Variants in CD248 observed in about 807,000 individuals in gnomAD.
CD248 encodes CD248 molecule, also known as endosialin.
In CD248, 7 loss-of-function variants were observed where a neutral mutation model predicts 8.0. The observed-to-expected ratio is 0.88, with a 90% CI of 0.50 to 1.64. The LOEUF is 1.64. Ranked by LOEUF, CD248 falls within the 40% of genes most tolerant of loss-of-function variation. The probability of loss-of-function intolerance (pLI) is 0.00; values close to 1 mark genes in which losing one functional copy is unlikely to be tolerated. For missense variants in CD248, 912 were observed against 1,027.2 expected (o/e 0.89, Z 1.53); for synonymous variants, 418 against 437.1 (o/e 0.96, Z 0.54).
rs371678378 is a variant in CD248 at position 66,315,408 on chromosome 11, G to A, written c.1620C>T (p.Gly540=). The change falls in exon 1 of 1, where the codon GGC becomes GGT. Residue 540 remains glycine, a synonymous_variant. Coordinates refer to ENST00000311330, the MANE Select transcript of CD248 (RefSeq NM_020404.3). This position sits in a 1 kb window ranked among gnomAD's most constrained non-coding sequence, Gnocchi z 4.3. The part of the protein sequence containing the change: ...SPMFPDTRVA[G]TQTTTHLPGI... ...CAGGCAAATGAGTGGTGGTCTGGGT[G>A]CCAGCGACCCGGGTGTCTGGAAACA... The A allele has an allele frequency of 1.9e-5, 30 of 1,612,506 alleles. No homozygotes were observed. In the African/African-American group the frequency reaches 2.9e-4, roughly 16 times the overall value.
Position 66,314,851 on chromosome 11 carries a change from TAGCAGTCAGTG to T in CD248, c.2166_2176del (p.Thr723SerfsTer93). 1.9e-6 allele frequency: 3 copies of T among 1,598,322 alleles called. No homozygotes were observed. Among genetic ancestry groups the T allele is most frequent in the Non-Finnish European group, 1.7e-6 (2 of 1,173,234 alleles). ...GCTCCCAGCATGGATGACCCAGCGA[TAGCAGTCAGTG>T]ATGCGCTTGTTGGGTGCATGGGGGC... On this transcript the variant is annotated frameshift_variant, in exon 1 of 1. Transcript: ENST00000311330. LOFTEE classifies it high-confidence loss of function. The surrounding 1 kb of genome is among the most constrained non-coding windows in gnomAD (Gnocchi z 4.0).
chr11:66,315,259 G>A lies in CD248; in HGVS notation c.1769C>T (p.Pro590Leu). The change falls in exon 1 of 1, where the codon CCC (proline) becomes CTC (leucine). Residue 590 changes from proline (P) to leucine (L), a missense_variant. Physicochemically the swap from Pro to Leu is moderately conservative, Grantham distance 98 (BLOSUM62 -3). Coordinates refer to ENST00000311330, the MANE Select transcript of CD248 (RefSeq NM_020404.3). This position sits in a 1 kb window ranked among gnomAD's most constrained non-coding sequence, Gnocchi z 4.3. ...GGACCTGGAGGTGGTGGTCAGAGAGGGCTGGGCAGTTGGGATAATGGGAAG... is the reference window on the plus strand; with the variant it reads ...GGACCTGGAGGTGGTGGTCAGAGAGAGCTGGGCAGTTGGGATAATGGGAAG... ...TQLPIIPTAQ[P>L]SLTTTSRSPV... 2.0e-6 allele frequency: 3 copies of A among 1,537,476 alleles called. No homozygotes were observed. The highest frequency in any genetic ancestry group is 2.6e-6 in the Non-Finnish European group (3 of 1,142,832).
Position 66,315,245 on chromosome 11 carries a change from T to A in CD248, c.1783A>T (p.Thr595Ser). 1 of 1,522,970 alleles carries A rather than the reference T, an allele frequency of 6.6e-7. No homozygotes were observed. Among genetic ancestry groups the A allele is most frequent in the Non-Finnish European group, 8.8e-7 (1 of 1,136,978 alleles). 94.3% of individuals were successfully genotyped at this position (1,522,970 alleles called of 1,614,324 possible). A position where few individuals can be genotyped will look rare whatever the true frequency, so the allele number is the denominator to read the frequency against. Reference protein sequence around the residue: ...IPTAQPSLTTTSRSPVSPAHQ... With the variant: ...IPTAQPSLTTSSRSPVSPAHQ... ...GCAGGAGACACAGGGGACCTGGAGG[T>A]GGTGGTCAGAGAGGGCTGGGCAGTT... Residue 595 changes from threonine (T) to serine (S), a missense_variant, in exon 1 of 1, where the codon ACC becomes TCC. By Grantham distance (58) the Thr-to-Ser change is moderately conservative. Coordinates refer to ENST00000311330, the MANE Select transcript of CD248 (RefSeq NM_020404.3). This position sits in a 1 kb window ranked among gnomAD's most constrained non-coding sequence, Gnocchi z 4.3.
Position 66,315,516 on chromosome 11 carries a change from A to G in CD248, c.1512T>C (p.Ser504=). 1 of 1,613,808 alleles carries G rather than the reference A, an allele frequency of 6.2e-7. No homozygotes were observed. Among genetic ancestry groups the G allele is most frequent in the Non-Finnish European group, 8.5e-7 (1 of 1,179,928 alleles). ...GGTGGGCAGGAGGCTGTGCTGAATGAGAGACAGAGAGAATACCGGGTTGGT... is the reference window on the plus strand; with the variant it reads ...GGTGGGCAGGAGGCTGTGCTGAATGGGAGACAGAGAGAATACCGGGTTGGT... ...SAYQPGILSV[S]HSAQPPAHQP... Residue 504 remains serine (S), a synonymous_variant, in exon 1 of 1, where the codon TCT becomes TCC. Transcript: ENST00000311330. This position sits in a 1 kb window ranked among gnomAD's most constrained non-coding sequence, Gnocchi z 4.3.
At position 66,316,837 on chromosome 11, in the gene CD248, G is replaced by A; in HGVS notation, c.191C>T (p.Pro64Leu). 6.4e-7 allele frequency: 1 copy of A among 1,563,422 alleles called. No individual in the cohort carries two copies. Among genetic ancestry groups the A allele is most frequent in the Non-Finnish European group, 8.6e-7 (1 of 1,161,624 alleles). Residue 64 changes from proline (P) to leucine (L), a missense_variant, in exon 1 of 1, where the codon CCC becomes CTC. By Grantham distance (98) the Pro-to-Leu change is moderately conservative. Around this residue, in one of 3 missense-constraint regions of CD248, gnomAD observed 403 missense variants for 446.2 expected, o/e 0.90. Transcript: ENST00000311330. ...LGGDLATPRTPEEAQRVDSLV... is the reference protein window; with the variant it reads ...LGGDLATPRTLEEAQRVDSLV... ...GCTGTCCACACGCTGGGCCTCCTCG[G>A]GGGTCCGAGGAGTGGCCAGGTCGCC... is the stretch of plus-strand genomic sequence containing the variant.
rs143716355 is a variant in CD248 at position 66,316,269 on chromosome 11, G to A, written c.759C>T (p.His253=). The A allele has an allele frequency of 1.3e-4, 202 of 1,613,472 alleles. No homozygotes were observed. The highest frequency in any genetic ancestry group is 4.7e-4 in the South Asian group (43 of 91,078). Residue 253 remains histidine (H), a synonymous_variant, in exon 1 of 1, where the codon CAC becomes CAT. Transcript: ENST00000311330. The part of the protein sequence containing the change: ...EHECVEEVDG[H]VSCRCTEGFR... The stretch of plus-strand genomic sequence containing the variant: ...AGCCCTCAGTGCAGCGGCAGGACAC[G>A]TGACCATCCACCTCCTCCACACATT...
In CD248 at chr11:66,317,012, A is replaced by G. The variant is rs565824377; in HGVS notation, c.16T>C (p.Leu6=). MLLRL[L]LAWAAAGPTL... is the part of the protein sequence containing the mutation. ...GGCCCTGCGGCCGCCCAGGCCAGCA[A>G]CAGGCGCAGCAGCATCGCGATGCCC... Residue 6 remains leucine (L), a synonymous_variant, in exon 1 of 1, where the codon TTG becomes CTG. Transcript: ENST00000311330. 3 of 1,471,438 alleles carry G rather than the reference A, an allele frequency of 2.0e-6. No individual in the cohort carries two copies. Among genetic ancestry groups the G allele is most frequent in the Non-Finnish European group, 2.7e-6 (3 of 1,122,752 alleles). 91.1% of individuals were successfully genotyped at this position (1,471,438 alleles called of 1,614,324 possible). A position where few individuals can be genotyped will look rare whatever the true frequency, so the allele number is the denominator to read the frequency against.
In CD248 at chr11:66,314,585, G is replaced by T; in HGVS notation, c.*169C>A. On this transcript the variant is annotated 3_prime_UTR_variant, in exon 1 of 1. Coordinates refer to ENST00000311330, the MANE Select transcript of CD248 (RefSeq NM_020404.3). This position sits in a 1 kb window ranked among gnomAD's most constrained non-coding sequence, Gnocchi z 4.0. ...GTGTATCCTTGGTCACGAGCGCTGG[G>T]CCAGGAAGCAGAGTTCCTGAGAGCC... 3.3e-6 allele frequency: 2 copies of T among 614,260 alleles called. No homozygotes were observed. Among genetic ancestry groups the T allele is most frequent in the East Asian group, 5.5e-5 (2 of 36,268 alleles). The allele number at this position is 614,260 out of a possible 1,614,324, so 38.1% of individuals were successfully genotyped here. A position where few individuals can be genotyped will look rare whatever the true frequency, so the allele number is the denominator to read the frequency against.
rs1854525656 is a variant in CD248, at chr11:66,314,900, A to G, written c.2128T>C (p.Cys710Arg). ...GGTGCATGGGGGCCACAGCGGGTGC[A>G]GTACACGATGCCCAGTGCAAGCAGG... ...VVLLALGIVY[C>R]TRCGPHAPNK... The change falls in exon 1 of 1, where the codon TGC becomes CGC. Residue 710 changes from cysteine (C) to arginine (R), a missense_variant. Transcript: ENST00000311330. The surrounding 1 kb of genome is among the most constrained non-coding windows in gnomAD (Gnocchi z 4.0). 1 of 1,612,508 alleles carries G rather than the reference A, an allele frequency of 6.2e-7. No homozygotes were observed. The highest frequency in any genetic ancestry group is 8.5e-7 in the Non-Finnish European group (1 of 1,179,622).
rs749818554 is a variant in CD248 at position 66,315,098 on chromosome 11, G to T, written c.1930C>A (p.Gln644Lys). Residue 644 changes from glutamine (Q) to lysine (K), a missense_variant, in exon 1 of 1, where the codon CAA (glutamine) becomes AAA (lysine). Around this residue, in one of 3 missense-constraint regions of CD248, gnomAD observed 507 missense variants for 562.2 expected, o/e 0.90. Transcript: ENST00000311330. The surrounding 1 kb of genome is among the most constrained non-coding windows in gnomAD (Gnocchi z 4.3). Reference protein sequence around the residue: ...SPTHPHSKAPQIPREDGPSPK... With the variant: ...SPTHPHSKAPKIPREDGPSPK... ...CTGGGGCCATCTTCCCTTGGGATTT[G>T]GGGGGCTTTGGAATGGGGATGTGTA... 2 of 1,557,048 alleles carry T rather than the reference G, an allele frequency of 1.3e-6. No individual in the cohort carries two copies. The highest frequency in any genetic ancestry group is 8.7e-7 in the Non-Finnish European group (1 of 1,150,610).
chr11:66,315,115 G>T lies in CD248; in HGVS notation c.1913C>A (p.Pro638His), dbSNP rs769043394. ...TGGGATTTGGGGGGCTTTGGAATGG[G>T]GATGTGTAGGGCTGATGGGTGAGGT... ...NQTSPISPTH[P>H]HSKAPQIPRE... The change falls in exon 1 of 1, where the codon CCC (proline) becomes CAC (histidine). Residue 638 changes from proline to histidine, a missense_variant. This residue lies in a region of CD248 where 507 missense variants were observed against 562.2 expected (regional missense o/e 0.90). Coordinates refer to ENST00000311330, the MANE Select transcript of CD248 (RefSeq NM_020404.3). This position sits in a 1 kb window ranked among gnomAD's most constrained non-coding sequence, Gnocchi z 4.3. 5 of 1,553,294 alleles carry T rather than the reference G, an allele frequency of 3.2e-6. No homozygotes were observed. In the South Asian group the frequency reaches 4.9e-5, roughly 15 times the overall value.
rs763121760 is a variant in CD248, at chr11:66,316,762, C to T, written c.266G>A (p.Arg89Gln). 8.1e-6 allele frequency: 13 copies of T among 1,598,990 alleles called. No individual in the cohort carries two copies. The highest frequency in any genetic ancestry group is 1.1e-5 in the South Asian group (1 of 90,906). The change falls in exon 1 of 1, where the codon CGG (arginine) becomes CAG (glutamine). Residue 89 changes from arginine (R) to glutamine (Q), a missense_variant. This residue lies in a region of CD248 where 403 missense variants were observed against 446.2 expected (regional missense o/e 0.90). Coordinates refer to ENST00000311330, the MANE Select transcript of CD248 (RefSeq NM_020404.3). ...CTGCAGCTGGCATTGCCGGGCCTGC[C>T]GCTGCAGCCCGATCCACAGCAGCCG... ...ASRLLWIGLQRQARQCQLQRP... is the reference protein window; with the variant it reads ...ASRLLWIGLQQQARQCQLQRP...
rs779208370 is a variant in CD248, at chr11:66,316,949, C to A, written c.79G>T (p.Ala27Ser). Residue 27 changes from alanine (A) to serine (S), a missense_variant, in exon 1 of 1, where the codon GCC becomes TCC. Transcript: ENST00000311330. ...GQDPWAAEPR[A>S]ACGPSSCYAL... ...TAGCAGCTGCTGGGGCCGCAGGCGG[C>A]ACGGGGCTCAGCAGCCCAGGGGTCC... is the stretch of plus-strand genomic sequence containing the variant. 12 of 1,550,338 alleles carry A rather than the reference C, an allele frequency of 7.7e-6. No homozygotes were observed. In the African/African-American group the frequency reaches 1.5e-4, roughly 20 times the overall value.
rs1191009162 is a variant in CD248, at chr11:66,316,282, T to C, written c.746A>G (p.Glu249Gly). The change falls in exon 1 of 1, where the codon GAG (glutamate) becomes GGG (glycine). Residue 249 changes from glutamate to glycine, a missense_variant. Glu to Gly is a moderately conservative substitution (Grantham distance 98, BLOSUM62 -2). Around this residue, in one of 3 missense-constraint regions of CD248, gnomAD observed 403 missense variants for 446.2 expected, o/e 0.90. Transcript: ENST00000311330. ...GCGGCAGGACACGTGACCATCCACC[T>C]CCTCCACACATTCGTGTTCGCAGCC... ...NGGCEHECVE[E>G]VDGHVSCRCT... 1.9e-6 allele frequency: 3 copies of C among 1,612,182 alleles called. No homozygotes were observed. Among genetic ancestry groups the C allele is most frequent in the Non-Finnish European group, 2.5e-6 (3 of 1,179,712 alleles).
chr11:66,315,522 A>G lies in CD248; in HGVS notation c.1506T>C (p.Ser502=). The G allele has an allele frequency of 6.2e-7, 1 of 1,614,034 alleles. No individual in the cohort carries two copies. The highest frequency in any genetic ancestry group is 8.5e-7 in the Non-Finnish European group (1 of 1,180,000). Residue 502 remains serine, a synonymous_variant, in exon 1 of 1, where the codon TCT becomes TCC. Coordinates refer to ENST00000311330, the MANE Select transcript of CD248 (RefSeq NM_020404.3). The surrounding 1 kb of genome is among the most constrained non-coding windows in gnomAD (Gnocchi z 4.3). ...LPSAYQPGIL[S]VSHSAQPPAH... Reference sequence around the variant, plus strand: ...CAGGAGGCTGTGCTGAATGAGAGACAGAGAGAATACCGGGTTGGTAGGCAG... The same window carrying G: ...CAGGAGGCTGTGCTGAATGAGAGACGGAGAGAATACCGGGTTGGTAGGCAG...
rs781202961 is a variant in CD248 at position 66,316,258 on chromosome 11, C to T, written c.770G>A (p.Arg257His). The change falls in exon 1 of 1, where the codon CGC (arginine) becomes CAC (histidine). Residue 257 changes from arginine to histidine, a missense_variant. This residue lies in a region of CD248 where 403 missense variants were observed against 446.2 expected (regional missense o/e 0.90). Transcript: ENST00000311330. ...VEEVDGHVSC[R>H]CTEGFRLAAD... ...TGCCAGCCGGAAGCCCTCAGTGCAG[C>T]GGCAGGACACGTGACCATCCACCTC... 16 of 1,613,552 alleles carry T rather than the reference C, an allele frequency of 9.9e-6. No individual in the cohort carries two copies. Among genetic ancestry groups the T allele is most frequent in the South Asian group, 3.3e-5 (3 of 91,080 alleles).
At position 66,316,978 on chromosome 11, in the gene CD248, C is replaced by A; in HGVS notation, c.50G>T (p.Gly17Val). Residue 17 changes from glycine (G) to valine (V), a missense_variant, in exon 1 of 1, where the codon GGC (glycine) becomes GTC (valine). Around this residue, in one of 3 missense-constraint regions of CD248, gnomAD observed 403 missense variants for 446.2 expected, o/e 0.90. Coordinates refer to ENST00000311330, the MANE Select transcript of CD248 (RefSeq NM_020404.3). ...LAWAAAGPTL[G>V]QDPWAAEPRA... is the part of the protein sequence containing the mutation. ...GGGCTCAGCAGCCCAGGGGTCCTGG[C>A]CCAGTGTGGGCCCTGCGGCCGCCCA... 6.6e-7 allele frequency: 1 copy of A among 1,521,376 alleles called. No homozygotes were observed. The highest frequency in any genetic ancestry group is 1.2e-5 in the South Asian group (1 of 81,098). The allele number at this position is 1,521,376 out of a possible 1,614,324, so 94.2% of individuals were successfully genotyped here.
In CD248 at chr11:66,316,572, G is replaced by A. The variant is rs78942203; in HGVS notation, c.456C>T (p.Asp152=). 150 of 1,600,728 alleles carry A rather than the reference G, an allele frequency of 9.4e-5. No homozygotes were observed. The East Asian group carries it at 2.9e-3, about 31-fold the overall frequency. ...WLEGSCTLAV[D]GYLCQFGFEG... ...CGAAGCCAAACTGGCACAGGTAGCC[G>A]TCGACAGCCAGCGTGCACGAGCCCT... Residue 152 remains aspartate (D), a synonymous_variant, in exon 1 of 1, where the codon GAC becomes GAT. Coordinates refer to ENST00000311330, the MANE Select transcript of CD248 (RefSeq NM_020404.3).
chr11:66,315,768 T>C lies in CD248; in HGVS notation c.1260A>G (p.Pro420=), dbSNP rs752759786. The C allele has an allele frequency of 3.6e-5, 58 of 1,612,428 alleles. No homozygotes were observed. Among genetic ancestry groups the C allele is most frequent in the Non-Finnish European group, 4.7e-5 (55 of 1,178,996 alleles). The change falls in exon 1 of 1, where the codon CCA becomes CCG. Residue 420 remains proline (P), a synonymous_variant. Coordinates refer to ENST00000311330, the MANE Select transcript of CD248 (RefSeq NM_020404.3). The surrounding 1 kb of genome is among the most constrained non-coding windows in gnomAD (Gnocchi z 4.3). ...YRPSFPEDRE[P]QIPYPEPTWP... Reference sequence around the variant, plus strand: ...AGGTGGGCTCCGGGTAGGGTATCTGTGGCTCTCTGTCCTCTGGGAAGCTCG... The same window carrying C: ...AGGTGGGCTCCGGGTAGGGTATCTGCGGCTCTCTGTCCTCTGGGAAGCTCG...
Sources: allele counts gnomAD v4.1 joint callset, GRCh38; gene constraint gnomAD v4.1.1; regional missense constraint gnomAD v4.1.1; non-coding constraint Gnocchi (gnomAD v3.1); transcripts MANE v1.5; gene names NCBI Gene and HGNC (gene_info 2026-07-23, HGNC 2026-07-21).